ADAMTS2: variants seen among roughly 807,000 people sequenced by gnomAD.
ADAMTS2 encodes the protein ADAM metallopeptidase with thrombospondin type 1 motif 2, also known as A disintegrin and metalloproteinase with thrombospondin motifs 2.
ADAMTS2 carries 50 observed loss-of-function variants against 123.0 expected under a neutral mutation model. The observed-to-expected ratio is 0.41, with a 90% CI of 0.32 to 0.51. The LOEUF (loss-of-function observed/expected upper bound fraction) is 0.51, where lower values mean the gene tolerates loss of function less well. Among genes scored for constraint, ADAMTS2 ranks in the 20% least tolerant of loss-of-function variants. ADAMTS2 has a pLI of 0.35. For synonymous variants in ADAMTS2, 678 were observed against 695.4 expected, an observed-to-expected ratio of 0.98 and a Z score of 0.39; for missense variants, 1,494 against 1,705.2, an observed-to-expected ratio of 0.88 and a Z score of 2.18.
Position 179,132,253 on chromosome 5 carries a change from A to G in ADAMTS2, c.2267T>C (p.Val756Ala), listed in dbSNP as rs141650732. 6.7e-4 allele frequency: 1,088 copies of G among 1,614,154 alleles called. 2 individuals are homozygous for G. The highest frequency in any genetic ancestry group is 6.3e-4 in the Non-Finnish European group (743 of 1,180,026). Residue 756 changes from valine (V) to alanine (A), a missense_variant, in exon 15 of 22, where the codon GTA becomes GCA. Transcript: ENST00000251582. The surrounding 1 kb of genome is among the most constrained non-coding windows in gnomAD (Gnocchi z 6.1). Reference protein sequence around the residue: ...AGARHLLIQEVDATSHHLAVK... With the variant: ...AGARHLLIQEADATSHHLAVK... ...ACCCAGATGGTGGCTGGTGGCGTCTACCTCCTGAATGAGCAGGTGTCTGGC... is the reference window on the plus strand; with the variant it reads ...ACCCAGATGGTGGCTGGTGGCGTCTGCCTCCTGAATGAGCAGGTGTCTGGC...
chr5:179,295,264 C>CT (rs1436565032), intron 2 of ADAMTS2, among the ~76,000 whole-genome samples: 1 of 152,206 alleles, frequency 6.6e-6, no homozygotes, highest in African/African-American at 2.4e-5. Flanking sequence ...CCCACCCCTT[C>CT]ACCTTCTGCC....
In ADAMTS2 at chr5:179,162,836, C is replaced by G. The variant is rs1247470100; in HGVS notation, c.976-3957G>C. ...TTCTGAGTTGTGCTCTTGTCACTTG[C>G]AGCGAAGAGAATCTGAGCCACGTGC... On this transcript the variant is annotated intron_variant, in intron 5 of 21. Transcript: ENST00000251582. This position sits in a 1 kb window ranked among gnomAD's most constrained non-coding sequence, Gnocchi z 5.1. Among the ~76,000 whole-genome samples, 1 of 152,240 alleles carries G rather than the reference C, an allele frequency of 6.6e-6. No individual in the cohort carries two copies. Among genetic ancestry groups the G allele is most frequent in the Non-Finnish European group, 1.5e-5 (1 of 68,040 alleles).
rs1764027273 is a variant in ADAMTS2, at chr5:179,180,792, CT to C, written c.975+279del. Reference sequence around the variant, plus strand: ...AATTCCCTCTGCCTCCTGACCACCCCTGGTGCCTCCCTGTGTGGCCCCCGTG... The same window carrying C: ...AATTCCCTCTGCCTCCTGACCACCCCGGTGCCTCCCTGTGTGGCCCCCGTG... On this transcript the variant is annotated intron_variant, in intron 5 of 21. Transcript: ENST00000251582. The surrounding 1 kb of genome is among the most constrained non-coding windows in gnomAD (Gnocchi z 4.6). Among the ~76,000 whole-genome samples the C allele has an allele frequency of 6.6e-6, 1 of 152,214 alleles. No homozygotes were observed. Among genetic ancestry groups the C allele is most frequent in the Non-Finnish European group, 1.5e-5 (1 of 68,040 alleles).
chr5:179,191,853 A>G (rs1054177826), intron 4 of ADAMTS2, among the ~76,000 whole-genome samples: 1 of 152,146 alleles, frequency 6.6e-6, no homozygotes, highest in African/African-American at 2.4e-5. Context: ...AATGGGCCTC[A>G]GGCAGCACAT....
chr5:179,320,835 A>G (rs1278350691), intron 2 of ADAMTS2, among the ~76,000 whole-genome samples: 1 of 152,202 alleles, frequency 6.6e-6, no homozygotes, highest in East Asian at 1.9e-4. Flanking sequence ...GGAAAGGAAA[A>G]GCTGTTTCCC....
chr5:179,273,670 C>A (rs1168471077), intron 2 of ADAMTS2, among the ~76,000 whole-genome samples: 1 of 152,072 alleles, frequency 6.6e-6, no homozygotes, highest in Non-Finnish European at 1.5e-5. Flanking sequence ...GGAACACATG[C>A]CCCTGCAACT....
rs1756716425 is a variant in ADAMTS2, at chr5:179,307,598, C to T, written c.535-34534G>A. On this transcript the variant is annotated intron_variant, in intron 2 of 21. Transcript: ENST00000251582. The surrounding 1 kb of genome is among the most constrained non-coding windows in gnomAD (Gnocchi z 5.6). The stretch of plus-strand genomic sequence containing the variant: ...GAAACACGACTCAGACCTGTCACTG[C>T]CTGCCCAAAGCCCTCCAGCGGCTTC... Among the ~76,000 whole-genome samples the T allele has an allele frequency of 6.6e-6, 1 of 152,146 alleles. No homozygotes were observed. Among genetic ancestry groups the T allele is most frequent in the East Asian group, 1.9e-4 (1 of 5,186 alleles).
chr5:179,196,598 G>T (rs1235334356), intron 4 of ADAMTS2, among the ~76,000 whole-genome samples: 1 of 152,244 alleles, frequency 6.6e-6, no homozygotes, highest in Non-Finnish European at 1.5e-5. Flanking sequence ...GTGGGGGTGG[G>T]CTGGGGTCTG....
chr5:179,286,436 G>T (rs1344262824), intron 2 of ADAMTS2, among the ~76,000 whole-genome samples: 1 of 152,086 alleles, frequency 6.6e-6, no homozygotes, highest in Admixed American at 6.5e-5. Flanking sequence ...CGGCACGGTG[G>T]GTCTGTCTGC....
At chr5:179,136,382 C>T (rs577933034) in intron 12 of ADAMTS2, among the ~76,000 whole-genome samples, 1 of 152,288 alleles carries the variant, frequency 6.6e-6, no homozygotes, top group South Asian at 2.1e-4. Context: ...GAACCCTTTT[C>T]AGGCCAGGCA....
intron 2 of ADAMTS2, among the ~76,000 whole-genome samples, chr5:179,288,538 G>A (rs1168665643): frequency 6.6e-6 from 1 of 152,252 alleles, no homozygotes; most frequent in African/African-American, 2.4e-5. Flanking sequence ...GTGGCTCCGG[G>A]GGAGGGGCGG....
At chr5:179,263,578 G>A (rs541256423) in intron 3 of ADAMTS2, among the ~76,000 whole-genome samples, 21 of 152,330 alleles carry the variant, frequency 1.4e-4, no homozygotes, top group African/African-American at 3.4e-4. Context: ...CGTGGGAGGC[G>A]TGAGCTGCGC....
At chr5:179,210,906 T>A (rs575703751) in intron 3 of ADAMTS2, among the ~76,000 whole-genome samples, 3 of 152,250 alleles carry the variant, frequency 2.0e-5, no homozygotes, top group African/African-American at 7.2e-5. Flanking sequence ...TTTTCCCACA[T>A]TGGGCTTAAC....
chr5:179,154,786 G>C (rs182435451), intron 7 of ADAMTS2, 28 bp downstream of exon 7: 1 of 1,567,966 alleles, frequency 6.4e-7, no homozygotes, highest in East Asian at 2.3e-5. Flanking sequence ...TGGCCCCTCT[G>C]TGCCCCACCC....
intron 2 of ADAMTS2, among the ~76,000 whole-genome samples, chr5:179,326,201 CGTGTGTGTGT>C (rs60626964): frequency 6.1e-5 from 9 of 148,594 alleles, no homozygotes; most frequent in African/African-American, 1.7e-4. Flanking sequence ...TTTGTGTGTG[CGTGTGTGTGT>C]GTGTGTGTGT....
intron 5 of ADAMTS2, among the ~76,000 whole-genome samples, chr5:179,169,025 C>A (rs547179751): frequency 6.6e-6 from 1 of 152,252 alleles, no homozygotes; most frequent in Non-Finnish European, 1.5e-5. Context: ...CCTTCCCAGG[C>A]ATGAGCCAGT....
rs533166542 is a variant in ADAMTS2 at position 179,180,422 on chromosome 5, A to G, written c.975+650T>C. On this transcript the variant is annotated intron_variant, in intron 5 of 21. Coordinates refer to ENST00000251582, the MANE Select transcript of ADAMTS2 (RefSeq NM_014244.5). This position sits in a 1 kb window ranked among gnomAD's most constrained non-coding sequence, Gnocchi z 4.6. The stretch of plus-strand genomic sequence containing the variant: ...AGAAGTCCAAGGGAGGGTCGTGTTA[A>G]CCACGTGTTTCTGATGCTTTGACAT... Among the ~76,000 whole-genome samples, 23 of 152,342 alleles carry G rather than the reference A, an allele frequency of 1.5e-4. No homozygotes were observed. The highest frequency in any genetic ancestry group is 5.3e-4 in the African/African-American group (22 of 41,580).
chr5:179,273,637 C>G (rs1766607621), intron 2 of ADAMTS2, among the ~76,000 whole-genome samples: 1 of 152,074 alleles, frequency 6.6e-6, no homozygotes, highest in Non-Finnish European at 1.5e-5. Flanking sequence ...AAACGCAGGC[C>G]CTGACCACAG....
intron 9 of ADAMTS2, among the ~76,000 whole-genome samples, 198 bp from the exon 10 acceptor site, chr5:179,152,453 C>A (rs1005687586): frequency 6.6e-6 from 1 of 152,170 alleles, no homozygotes; most frequent in Admixed American, 6.5e-5. Context: ...CATCCCTGGA[C>A]GCGGCTGGGC....
Sources: allele counts gnomAD v4.1 joint callset (sites outside exome capture counted in the v4.1 genomes callset), GRCh38; gene constraint gnomAD v4.1.1; non-coding constraint Gnocchi (gnomAD v3.1); transcripts MANE v1.5; gene names NCBI Gene and HGNC (gene_info 2026-07-23, HGNC 2026-07-21).